The following MEOX1 variants were observed in gnomAD, a reference collection of about 807,000 sequenced individuals.
MEOX1 encodes mesenchyme homeobox 1.
Under a neutral mutation model 23.2 loss-of-function variants are expected in MEOX1, and 17 were observed. The observed-to-expected ratio is 0.73, with a 90% CI of 0.50 to 1.10. MEOX1 has a LOEUF of 1.10. Ranked by LOEUF, MEOX1 falls within the 50% of genes least tolerant of loss-of-function variation. The pLI, the probability that MEOX1 is intolerant of heterozygous loss-of-function variation, is 0.00. For missense variants in MEOX1, 333 were observed against 332.2 expected (o/e 1.00, Z -0.02); for synonymous variants, 134 against 135.1 (o/e 0.99, Z 0.06).
At chr17:43,652,478 A>G (rs892212098) in intron 1 of MEOX1, among the ~76,000 whole-genome samples, 1 of 152,268 alleles carries the variant, frequency 6.6e-6, no homozygotes, top group African/African-American at 2.4e-5. Context: ...GGGGTTACCA[A>G]GTGTTGGCTG....
intron 1 of MEOX1, among the ~76,000 whole-genome samples, chr17:43,651,403 A>G (rs1429738337): frequency 1.3e-5 from 2 of 152,002 alleles, no homozygotes; most frequent in Non-Finnish European, 2.9e-5. Flanking sequence ...AGCTTTCAAG[A>G]GGGGATGGGG....
chr17:43,644,712 G>A (rs754772578), intron 1 of MEOX1, among the ~76,000 whole-genome samples: 12 of 152,166 alleles, frequency 7.9e-5, no homozygotes, highest in Admixed American at 2.0e-4. Context: ...TCAGGAGCTC[G>A]AGACCAGCCT....
At chr17:43,643,249 T>C (rs1490971740) in intron 2 of MEOX1, among the ~76,000 whole-genome samples, 1 of 151,104 alleles carries the variant, frequency 6.6e-6, no homozygotes, top group African/African-American at 2.4e-5. Context: ...GAGGTGGAGG[T>C]TACAGTAAGA....
At chr17:43,642,384 C>G (rs528135155) in intron 2 of MEOX1, among the ~76,000 whole-genome samples, 42 of 152,310 alleles carry the variant, frequency 2.8e-4, no homozygotes, top group East Asian at 7.7e-4. Flanking sequence ...CAGCCTTATC[C>G]TTAGGCACAT....
At chr17:43,646,003 G>C (rs778626052) in intron 1 of MEOX1, among the ~76,000 whole-genome samples, 2 of 152,238 alleles carry the variant, frequency 1.3e-5, no homozygotes, top group Non-Finnish European at 2.9e-5. Context: ...ACCGTTCCGG[G>C]AACTCGAGAA....
intron 1 of MEOX1, among the ~76,000 whole-genome samples, chr17:43,657,074 CTTTCTT>C: frequency 1.5e-5 from 2 of 131,956 alleles, no homozygotes; most frequent in African/African-American, 5.6e-5. Flanking sequence ...TTCCTTCTTT[CTTTCTT>C]TTCTTTCTTT....
intron 1 of MEOX1, among the ~76,000 whole-genome samples, chr17:43,657,652 G>A (rs1415446353): frequency 6.6e-6 from 1 of 151,988 alleles, no homozygotes; most frequent in East Asian, 1.9e-4. Context: ...CTCAATATGG[G>A]GTGCATTTGC....
intron 1 of MEOX1, among the ~76,000 whole-genome samples, chr17:43,651,365 G>C (rs1972913377): frequency 1.3e-5 from 2 of 152,092 alleles, no homozygotes; most frequent in South Asian, 4.2e-4. Context: ...GTCCCAGGCG[G>C]GGTGGGTTGG....
rs1773163645 is a variant in MEOX1 at position 43,661,859 on chromosome 17, A to G, written c.-325T>C. 1.3e-5 allele frequency: 3 copies of G among 232,780 alleles called. No homozygotes were observed. Among genetic ancestry groups the G allele is most frequent in the Middle Eastern group, 1.3e-3 (1 of 784 alleles). The allele number at this position is 232,780 out of a possible 1,614,324, so 14.4% of individuals were successfully genotyped here. On this transcript the variant is annotated 5_prime_UTR_variant, in exon 1 of 3. Transcript: ENST00000318579. Reference sequence around the variant, plus strand: ...GACACTAAACATTTTCACTGTCCCAACCCAGACGCACCAGCTGACGAGGAG... The same window carrying G: ...GACACTAAACATTTTCACTGTCCCAGCCCAGACGCACCAGCTGACGAGGAG...
intron 2 of MEOX1, among the ~76,000 whole-genome samples, chr17:43,642,665 G>A (rs1972717307): frequency 6.8e-6 from 1 of 147,934 alleles, no homozygotes; most frequent in Admixed American, 6.6e-5. Flanking sequence ...GGGGGTGTGG[G>A]GTGGCTGAAG....
intron 1 of MEOX1, among the ~76,000 whole-genome samples, chr17:43,657,166 CTTTCTTTT>C (rs1567748534): frequency 4.9e-5 from 4 of 81,148 alleles, no homozygotes; most frequent in Non-Finnish European, 5.0e-5. Context: ...TTCTTTCTTT[CTTTCTTTT>C]TTTTTTTTTT....
intron 1 of MEOX1, among the ~76,000 whole-genome samples, chr17:43,657,170 C>CTTTCT (rs1973051573): frequency 1.2e-5 from 1 of 81,724 alleles, no homozygotes; most frequent in Non-Finnish European, 2.2e-5. Flanking sequence ...TTCTTTCTTT[C>CTTTCT]TTTTTTTTTT....
At chr17:43,646,803 C>T (rs1421074326) in intron 1 of MEOX1, among the ~76,000 whole-genome samples, 1 of 152,062 alleles carries the variant, frequency 6.6e-6, no homozygotes, top group African/African-American at 2.4e-5. Context: ...TGGAGAAACA[C>T]CGTCTCTACT....
At chr17:43,656,185 A>C (rs887741789) in intron 1 of MEOX1, among the ~76,000 whole-genome samples, 5 of 152,200 alleles carry the variant, frequency 3.3e-5, no homozygotes, top group Admixed American at 3.3e-4. Flanking sequence ...TGTAGCTATA[A>C]ATTTTTGAAA....
intron 1 of MEOX1, among the ~76,000 whole-genome samples, chr17:43,647,114 G>T (rs1291749839): frequency 6.6e-6 from 1 of 152,210 alleles, no homozygotes; most frequent in Non-Finnish European, 1.5e-5. Context: ...GTGCCCAGAG[G>T]CATCTGCGGC....
intron 1 of MEOX1, among the ~76,000 whole-genome samples, chr17:43,656,888 G>A (rs972273258): frequency 1.3e-5 from 2 of 152,216 alleles, no homozygotes; most frequent in African/African-American, 4.8e-5. Flanking sequence ...GGGGCTGGGA[G>A]TGGTTTGGGT....
At chr17:43,658,754 C>G (rs1973087008) in intron 1 of MEOX1, among the ~76,000 whole-genome samples, 1 of 152,094 alleles carries the variant, frequency 6.6e-6, no homozygotes, top group Non-Finnish European at 1.5e-5. Flanking sequence ...GCTGATCTTT[C>G]TTGCCTCCTT....
chr17:43,643,349 C>G (rs1299491346), intron 2 of MEOX1, 139 bp downstream of exon 2: 7 of 742,552 alleles, frequency 9.4e-6, no homozygotes, highest in Admixed American at 3.3e-5. Flanking sequence ...CCAGGCTATT[C>G]TCAGGTGTGG....
At chr17:43,652,013 G>A (rs1161808219) in intron 1 of MEOX1, among the ~76,000 whole-genome samples, 2 of 152,214 alleles carry the variant, frequency 1.3e-5, no homozygotes, top group Non-Finnish European at 2.9e-5. Context: ...GAGCCTCTGA[G>A]TTCAGATGGT....
Sources: allele counts gnomAD v4.1 joint callset (sites outside exome capture counted in the v4.1 genomes callset), GRCh38; gene constraint gnomAD v4.1.1; transcripts MANE v1.5; gene names NCBI Gene and HGNC (gene_info 2026-07-23, HGNC 2026-07-21).